The following ABCG1 variants were observed in gnomAD, a reference collection of about 807,000 sequenced individuals.
ABCG1 encodes the protein ATP-binding cassette sub-family G member 1.
A neutral mutation model predicts 69.2 loss-of-function variants in ABCG1; 29 were observed. The ratio of observed to expected loss-of-function variants is 0.42; its 90% confidence interval spans 0.31 to 0.57. The LOEUF is 0.57. ABCG1 is among the 20% of genes least tolerant of loss of function. The pLI is 0.15. For missense variants in ABCG1, 718 were observed against 898.1 expected (o/e 0.80, Z 2.56); for synonymous variants, 370 against 374.8 (o/e 0.99, Z 0.15).
At chr21:42,249,812 C>T (rs1191581712) in intron 2 of ABCG1, among the ~76,000 whole-genome samples, 1 of 152,004 alleles carries the variant, frequency 6.6e-6, no homozygotes, top group Non-Finnish European at 1.5e-5. Context: ...TGAGACCAGC[C>T]TGGCCAGCAT....
chr21:42,290,998 A>C lies in ABCG1; in HGVS notation c.1394-94A>C, dbSNP rs183656414. 4.4e-6 allele frequency: 4 copies of C among 903,692 alleles called. No homozygotes were observed. In the East Asian group the frequency reaches 1.0e-4, roughly 23 times the overall value. The allele number at this position is 903,692 out of a possible 1,614,324, so 56.0% of individuals were successfully genotyped here. ...CAGTGCCCTAGGCCAGAGCTGGGTT[A>C]CCAGCCGCTCAGCTCAAGATCGCCT... On this transcript the variant is annotated intron_variant, in intron 11 of 14. Coordinates refer to ENST00000398449, the MANE Select transcript of ABCG1 (RefSeq NM_016818.3).
At chr21:42,218,476 T>A (rs957315966), upstream of ABCG1, among the ~76,000 whole-genome samples, 7 of 143,352 alleles carry the variant, frequency 4.9e-5, no homozygotes, top group African/African-American at 6.0e-5. Context: ...GAGGCTTTTC[T>A]TTTTTTGTTC....
intron 2 of ABCG1, among the ~76,000 whole-genome samples, chr21:42,261,907 G>C (rs930587093): frequency 6.6e-6 from 1 of 152,208 alleles, no homozygotes; most frequent in Non-Finnish European, 1.5e-5. Flanking sequence ...CCTGGTCCCA[G>C]CCCAGCCCAG....
At chr21:42,292,788 T>C (rs1377475470) in intron 13 of ABCG1, among the ~76,000 whole-genome samples, 25 of 80,868 alleles carry the variant, frequency 3.1e-4, no homozygotes, top group Middle Eastern at 0.013. Context: ...CTACACACCA[T>C]ACACTATACA....
intron 2 of ABCG1, among the ~76,000 whole-genome samples, chr21:42,258,701 G>A (rs1289901765): frequency 2.6e-5 from 4 of 152,144 alleles, no homozygotes; most frequent in Non-Finnish European, 5.9e-5. Flanking sequence ...GAACAGCCGA[G>A]GTCAGCCTTC....
intron 2 of ABCG1, among the ~76,000 whole-genome samples, chr21:42,265,104 G>T (rs949771254): frequency 2.0e-5 from 3 of 152,164 alleles, no homozygotes; most frequent in Non-Finnish European, 4.4e-5. Flanking sequence ...GCACACAGGG[G>T]TTCATAGGAG....
At chr21:42,212,817 C>T (rs573615275), upstream of ABCG1, among the ~76,000 whole-genome samples, 6 of 152,020 alleles carry the variant, frequency 3.9e-5, no homozygotes, top group East Asian at 1.2e-3. Context: ...CCTCAGCCTC[C>T]CGAGTAGCTG....
chr21:42,243,406 A>C (rs2068080195), intron 2 of ABCG1, among the ~76,000 whole-genome samples: 1 of 149,836 alleles, frequency 6.7e-6, no homozygotes, highest in African/African-American at 2.5e-5. Context: ...TTTTATCTTA[A>C]TCTGTTTCAC....
chr21:42,271,672 A>G (rs989377313), intron 3 of ABCG1, among the ~76,000 whole-genome samples: 1 of 152,222 alleles, frequency 6.6e-6, no homozygotes, highest in African/African-American at 2.4e-5. Context: ...ACCTGAGGTC[A>G]GGAGTTCTAG....
intron 1 of ABCG1, among the ~76,000 whole-genome samples, chr21:42,221,670 C>T (rs1013690190): frequency 1.3e-5 from 2 of 152,174 alleles, no homozygotes; most frequent in African/African-American, 4.8e-5. Context: ...GTGCATTTTC[C>T]TCTTATGTGC....
intron 13 of ABCG1, among the ~76,000 whole-genome samples, chr21:42,293,096 A>C (rs2069110599): frequency 8.3e-6 from 1 of 120,834 alleles, no homozygotes. Flanking sequence ...ACTACACACC[A>C]CACACGGTAC....
intron 1 of ABCG1, among the ~76,000 whole-genome samples, chr21:42,220,871 A>G (rs2067715082): frequency 6.6e-6 from 1 of 152,238 alleles, no homozygotes; most frequent in Non-Finnish European, 1.5e-5. Context: ...ATCTTGTATT[A>G]GATGCTAGTT....
chr21:42,292,073 T>A (rs1277450879), intron 13 of ABCG1, among the ~76,000 whole-genome samples: 5 of 152,250 alleles, frequency 3.3e-5, no homozygotes, highest in Admixed American at 2.0e-4. Context: ...TGGGGTTCCC[T>A]CGGCCTCTCC....
chr21:42,216,247 G>C (rs537842530), upstream of ABCG1: 36 of 395,790 alleles, frequency 9.1e-5, no homozygotes, highest in African/African-American at 6.6e-4. Context: ...TGTCTTTATC[G>C]GCAGCGTGAA....
chr21:42,221,763 G>T (rs1436132439), intron 1 of ABCG1, among the ~76,000 whole-genome samples: 1 of 152,210 alleles, frequency 6.6e-6, no homozygotes, highest in Admixed American at 6.5e-5. Context: ...CTGTGCTGCT[G>T]ACTGGCTCCT....
chr21:42,269,812 T>A (rs2068582974), intron 2 of ABCG1, among the ~76,000 whole-genome samples: 1 of 152,122 alleles, frequency 6.6e-6, no homozygotes, highest in Admixed American at 6.5e-5. Context: ...AAGGCTTGGG[T>A]GCCCAGCTGG....
intron 2 of ABCG1, among the ~76,000 whole-genome samples, chr21:42,237,129 G>A (rs1395806986): frequency 6.6e-6 from 1 of 152,222 alleles, no homozygotes; most frequent in African/African-American, 2.4e-5. Flanking sequence ...CTGGTTTAGA[G>A]AGGAAAATGG....
chr21:42,291,633 G>C lies in ABCG1; in HGVS notation c.1630G>C (p.Gly544Arg). 8 of 1,605,506 alleles carry C rather than the reference G, an allele frequency of 5.0e-6. No individual in the cohort carries two copies. Among genetic ancestry groups the C allele is most frequent in the Non-Finnish European group, 6.8e-6 (8 of 1,179,534 alleles). Reference sequence around the variant, plus strand: ...GGCACAGTCCCTGGGCCTGCTGATCGGAGCCGCCTCCACGTCCCTGCAGGT... The same window carrying C: ...GGCACAGTCCCTGGGCCTGCTGATCCGAGCCGCCTCCACGTCCCTGCAGGT... ...LVAQSLGLLI[G>R]AASTSLQVAT... The change falls in exon 13 of 15, where the codon GGA becomes CGA. Residue 544 changes from glycine to arginine, a missense_variant. Coordinates refer to ENST00000398449, the MANE Select transcript of ABCG1 (RefSeq NM_016818.3). The surrounding 1 kb of genome is among the most constrained non-coding windows in gnomAD (Gnocchi z 6.4).
chr21:42,294,506 T>A, intron 13 of ABCG1, 36 bp from the exon 14 acceptor site: 3 of 1,560,450 alleles, frequency 1.9e-6, no homozygotes, highest in Non-Finnish European at 2.7e-6. Flanking sequence ...AGGCTGCAGG[T>A]TCTGCTACAT....
Sources: gnomAD v4.1 joint callset for allele counts (sites outside exome capture counted in the v4.1 genomes callset) on GRCh38, gnomAD v4.1.1 for gene constraint, Gnocchi (gnomAD v3.1) non-coding constraint, MANE v1.5 for transcripts, NCBI Gene and HGNC (gene_info 2026-07-23, HGNC 2026-07-21) for gene names.